NEDD4L: variants seen among roughly 807,000 people sequenced by gnomAD.
NEDD4L encodes the protein NEDD4 like E3 ubiquitin protein ligase, also known as E3 ubiquitin-protein ligase NEDD4-like.
Under a neutral mutation model 148.9 loss-of-function variants are expected in NEDD4L, and 54 were observed. The ratio of observed to expected loss-of-function variants is 0.36; its 90% CI spans 0.29 to 0.45. The LOEUF is 0.45. Among genes scored for constraint, NEDD4L ranks in the 20% least tolerant of loss-of-function variants. NEDD4L has a pLI of 1.00. For synonymous variants in NEDD4L, 433 were observed against 440.7 expected, an observed-to-expected ratio of 0.98 and a Z score of 0.22; for missense variants, 856 against 1,233.8, an observed-to-expected ratio of 0.69 and a Z score of 4.59.
At chr18:58,081,770 T>C (rs1337470838) in intron 1 of NEDD4L, among the ~76,000 whole-genome samples, 4 of 152,106 alleles carry the variant, frequency 2.6e-5, no homozygotes, top group Admixed American at 2.6e-4. Context: ...TTAATTATTA[T>C]AGAAAAAAAT....
intron 6 of NEDD4L, among the ~76,000 whole-genome samples, chr18:58,316,769 A>G (rs992698146): frequency 1.3e-5 from 2 of 152,216 alleles, no homozygotes; most frequent in Admixed American, 6.5e-5. Context: ...TTCCAGCTTC[A>G]GTTTTCCGGC....
At chr18:58,251,723 C>T (rs1373871927) in intron 4 of NEDD4L, among the ~76,000 whole-genome samples, 1 of 152,152 alleles carries the variant, frequency 6.6e-6, no homozygotes, top group Non-Finnish European at 1.5e-5. Flanking sequence ...GTTAGGAACC[C>T]GTCAAAGCTA....
chr18:58,119,560 C>G (rs1288877528), intron 1 of NEDD4L, among the ~76,000 whole-genome samples: 1 of 152,236 alleles, frequency 6.6e-6, no homozygotes, highest in Non-Finnish European at 1.5e-5. Flanking sequence ...GGTGTGTTCT[C>G]TCTGTTCCTA....
intron 25 of NEDD4L, among the ~76,000 whole-genome samples, chr18:58,385,031 A>G (rs571830849): frequency 2.0e-5 from 3 of 152,342 alleles, no homozygotes; most frequent in African/African-American, 7.2e-5. Flanking sequence ...CTTATATGTT[A>G]TTGTTGAATA....
At chr18:58,233,080 T>G (rs1408305439) in intron 2 of NEDD4L, among the ~76,000 whole-genome samples, 1 of 152,208 alleles carries the variant, frequency 6.6e-6, no homozygotes, top group Non-Finnish European at 1.5e-5. Context: ...TGTGAACAGA[T>G]TTGAGAGTAT....
intron 13 of NEDD4L, among the ~76,000 whole-genome samples, chr18:58,336,712 A>ATT (rs2041827570): frequency 2.0e-5 from 3 of 152,232 alleles, no homozygotes; most frequent in African/African-American, 7.2e-5. Flanking sequence ...AATGCTCAGC[A>ATT]TTGTACAGAG....
intron 1 of NEDD4L, among the ~76,000 whole-genome samples, chr18:58,122,064 A>C (rs1217580648): frequency 6.6e-6 from 1 of 152,214 alleles, no homozygotes; most frequent in Non-Finnish European, 1.5e-5. Flanking sequence ...GAGTTGCTCA[A>C]GTCTTTGGGC....
chr18:58,268,772 T>C (rs1246385162), intron 5 of NEDD4L, among the ~76,000 whole-genome samples: 2 of 152,116 alleles, frequency 1.3e-5, no homozygotes, highest in Non-Finnish European at 2.9e-5. Flanking sequence ...TCGTAAGTGG[T>C]CACAGCCAGT....
intron 13 of NEDD4L, among the ~76,000 whole-genome samples, chr18:58,339,464 T>C (rs1403183151): frequency 6.6e-6 from 1 of 152,148 alleles, no homozygotes; most frequent in Admixed American, 6.5e-5. Flanking sequence ...TTAATATTCA[T>C]GAAAGGATTA....
intron 4 of NEDD4L, 55 bp downstream of exon 4, chr18:58,248,992 C>T (rs1457662971): frequency 1.2e-6 from 1 of 816,876 alleles, no homozygotes; most frequent in Non-Finnish European, 1.9e-6. Context: ...GGTCGATTAT[C>T]ACAGTCAATT....
intron 2 of NEDD4L, among the ~76,000 whole-genome samples, chr18:58,166,883 C>G (rs2036910768): frequency 6.6e-6 from 1 of 152,166 alleles, no homozygotes; most frequent in Non-Finnish European, 1.5e-5. Flanking sequence ...AAAGAAGCCC[C>G]TTTCTAGCTA....
intron 2 of NEDD4L, among the ~76,000 whole-genome samples, chr18:58,189,667 G>A (rs944391507): frequency 6.6e-6 from 1 of 152,162 alleles, no homozygotes. Flanking sequence ...TCTGGCCAGT[G>A]GTTTTGGCTT....
chr18:58,057,429 T>G (rs2082137728), intron 1 of NEDD4L, among the ~76,000 whole-genome samples: 1 of 152,096 alleles, frequency 6.6e-6, no homozygotes, highest in Non-Finnish European at 1.5e-5. Context: ...GCTGGGAGCG[T>G]TTGCTTTGGT....
intron 1 of NEDD4L, chr18:58,047,551 G>A (rs1490951932): frequency 1.0e-6 from 1 of 974,016 alleles, no homozygotes; most frequent in Non-Finnish European, 1.2e-6. Context: ...GTGAATGTAT[G>A]TGCTGTTTAA....
intron 1 of NEDD4L, among the ~76,000 whole-genome samples, chr18:58,113,317 G>C (rs968744116): frequency 6.6e-5 from 10 of 152,184 alleles, no homozygotes; most frequent in Non-Finnish European, 1.0e-4. Context: ...GGAGTCTATG[G>C]TCTAGTTGGG....
chr18:58,376,710 T>C (rs2047605510), intron 24 of NEDD4L, among the ~76,000 whole-genome samples: 1 of 152,224 alleles, frequency 6.6e-6, no homozygotes, highest in Admixed American at 6.5e-5. Flanking sequence ...AATATAAAAA[T>C]GAGCATGTCA....
At chr18:58,086,209 C>A (rs967807861) in intron 1 of NEDD4L, among the ~76,000 whole-genome samples, 6 of 152,152 alleles carry the variant, frequency 3.9e-5, no homozygotes, top group African/African-American at 1.4e-4. Flanking sequence ...GGACACCTTG[C>A]CAGCTAATTT....
chr18:58,191,403 G>A (rs191822544), intron 2 of NEDD4L, among the ~76,000 whole-genome samples: 1 of 152,250 alleles, frequency 6.6e-6, no homozygotes, highest in East Asian at 1.9e-4. Context: ...TGTTACAGTC[G>A]GTTAATGAAG....
intron 1 of NEDD4L, among the ~76,000 whole-genome samples, chr18:58,153,994 A>G (rs190192129): frequency 2.0e-3 from 300 of 152,356 alleles, no homozygotes; most frequent in Admixed American, 3.5e-3. Context: ...TGTTACAAAA[A>G]CCAAGTACCA....
Sources: gnomAD v4.1 joint callset for allele counts (sites outside exome capture counted in the v4.1 genomes callset) on GRCh38, gnomAD v4.1.1 for gene constraint, MANE v1.5 for transcripts, NCBI Gene and HGNC (gene_info 2026-07-23, HGNC 2026-07-21) for gene names.